Variants in DHX57 observed in about 807,000 individuals in gnomAD.
DHX57 encodes putative ATP-dependent RNA helicase DHX57.
In DHX57, 105 loss-of-function variants were observed where a neutral mutation model predicts 156.2. The observed-to-expected ratio is 0.67, with a 90% CI of 0.57 to 0.79. The LOEUF (loss-of-function observed/expected upper bound fraction) is 0.79. Ranked by LOEUF, DHX57 falls within the 30% of genes least tolerant of loss-of-function variation. The pLI is 0.00. For missense variants in DHX57, 1,847 were observed against 1,661.9 expected (o/e 1.11, Z -1.94); for synonymous variants, 704 against 595.6 (o/e 1.18, Z -2.65).
intron 23 of DHX57, among the ~76,000 whole-genome samples, chr2:38,802,318 C>T (rs1306858457): frequency 1.3e-5 from 2 of 149,094 alleles, no homozygotes; most frequent in Non-Finnish European, 3.0e-5. Flanking sequence ...GAAGGAATCT[C>T]GCTCTGTTGC....
At chr2:38,827,324 A>G (rs566545614) in intron 14 of DHX57, among the ~76,000 whole-genome samples, 3 of 150,658 alleles carry the variant, frequency 2.0e-5, no homozygotes, top group Admixed American at 1.3e-4. Context: ...CAAACTAACC[A>G]GCAAAGAATT....
chr2:38,841,182 G>A (rs1239942280), intron 12 of DHX57, among the ~76,000 whole-genome samples: 11 of 152,174 alleles, frequency 7.2e-5, no homozygotes, highest in Non-Finnish European at 1.0e-4. Context: ...TTATCAGTTG[G>A]TATGACGTAC....
At chr2:38,832,591 G>C (rs1057065416) in intron 13 of DHX57, among the ~76,000 whole-genome samples, 1 of 150,368 alleles carries the variant, frequency 6.7e-6, no homozygotes, top group Non-Finnish European at 1.5e-5. Flanking sequence ...TGTTACCCAG[G>C]TTGGAGTGAA....
At chr2:38,855,303 A>G (rs1558396994) in intron 7 of DHX57, 51 bp from the exon 8 acceptor site, 1 of 1,554,374 alleles carries the variant, frequency 6.4e-7, no homozygotes, top group Non-Finnish European at 8.9e-7. Context: ...AGGGCTAGTT[A>G]ACTAAAGAAG....
At chr2:38,868,087 T>G (rs1665169171) in intron 2 of DHX57, 95 bp downstream of exon 2, 6 of 1,467,394 alleles carry the variant, frequency 4.1e-6, no homozygotes, top group Non-Finnish European at 5.6e-6. Context: ...TGACCAGAAT[T>G]ACTCGACTTT....
At chr2:38,871,696 T>A (rs1444529580) in intron 1 of DHX57, among the ~76,000 whole-genome samples, 2 of 150,702 alleles carry the variant, frequency 1.3e-5, no homozygotes, top group African/African-American at 4.9e-5. Flanking sequence ...AGACTTATTT[T>A]ATAATAACTC....
intron 2 of DHX57, 110 bp downstream of exon 2, chr2:38,868,072 C>G: frequency 7.3e-7 from 1 of 1,372,714 alleles, no homozygotes; most frequent in Non-Finnish European, 1.0e-6. Flanking sequence ...AAGAGGAAGA[C>G]AATTTGACCA....
intron 13 of DHX57, among the ~76,000 whole-genome samples, chr2:38,833,357 G>A (rs978537829): frequency 6.6e-6 from 1 of 151,950 alleles, no homozygotes; most frequent in Non-Finnish European, 1.5e-5. Context: ...TGGCCAGGCT[G>A]GTCTCGAACT....
intron 9 of DHX57, among the ~76,000 whole-genome samples, chr2:38,852,169 T>C (rs894402958): frequency 1.3e-5 from 2 of 151,764 alleles, no homozygotes; most frequent in African/African-American, 4.8e-5. Flanking sequence ...TTCTTCTGGT[T>C]ATATGCCTTC....
chr2:38,847,163 T>C (rs1290442583), intron 10 of DHX57, 90 bp from the exon 11 acceptor site: 1 of 1,035,090 alleles, frequency 9.7e-7, no homozygotes, highest in African/African-American at 1.6e-5. Flanking sequence ...CTCTTAAAGC[T>C]TGTCATGCTA....
At chr2:38,818,798 C>T (rs1037484198) in intron 19 of DHX57, 79 bp downstream of exon 19, 58 of 1,472,884 alleles carry the variant, frequency 3.9e-5, no homozygotes, top group Non-Finnish European at 5.4e-5. Context: ...TAAGACAGGA[C>T]ACATGAGACA....
At chr2:38,824,182 A>G (rs1429613186) in intron 16 of DHX57, among the ~76,000 whole-genome samples, 1 of 152,236 alleles carries the variant, frequency 6.6e-6, no homozygotes, top group Non-Finnish European at 1.5e-5. Flanking sequence ...AGGCTTAAAA[A>G]AGAAAGAAAT....
intron 9 of DHX57, among the ~76,000 whole-genome samples, chr2:38,849,131 G>C (rs866791198): frequency 7.2e-5 from 11 of 152,268 alleles, no homozygotes; most frequent in African/African-American, 2.4e-4. Flanking sequence ...GTTTGTAATA[G>C]TAAGACAGTA....
chr2:38,836,888 T>C (rs1671698018), intron 13 of DHX57, among the ~76,000 whole-genome samples: 1 of 152,102 alleles, frequency 6.6e-6, no homozygotes. Flanking sequence ...GGTCTTGCTC[T>C]GTTGCCTAAG....
At position 38,843,581 on chromosome 2, in the gene DHX57, T is replaced by C. The variant is rs182230336; in HGVS notation, c.2220-371A>G. 3.3e-5 allele frequency among the ~76,000 whole-genome samples: 5 copies of C among 152,354 alleles called. No individual in the cohort carries two copies. In the East Asian group the frequency reaches 9.6e-4, roughly 29 times the overall value. ...TAATTCCCAGGCAGCTGATTTCCTT[T>C]TGTTGCAATCAAATTTGGACCCAAG... On this transcript the variant is annotated intron_variant, in intron 11 of 23. Transcript: ENST00000457308.
intron 11 of DHX57, among the ~76,000 whole-genome samples, chr2:38,845,351 C>G (rs1672215950): frequency 6.6e-6 from 1 of 152,098 alleles, no homozygotes; most frequent in Non-Finnish European, 1.5e-5. Flanking sequence ...AATAATAATT[C>G]TAATAAGCTC....
At position 38,858,727 on chromosome 2, in the gene DHX57, A is replaced by G. The variant is rs368267179; in HGVS notation, c.1521T>C (p.Tyr507=). The G allele has an allele frequency of 5.0e-6, 8 of 1,613,992 alleles. No homozygotes were observed. The highest frequency in any genetic ancestry group is 1.3e-5 in the African/African-American group (1 of 74,924). Residue 507 remains tyrosine, a synonymous_variant, in exon 6 of 24, where the codon TAT becomes TAC. Transcript: ENST00000457308. ...VNLKKKISKR[Y]DWQAKSVHAE... ...CATGTACTGACTTTGCCTGCCAGTC[A>G]TATCTTTTGGAAATCTTTTTCTTAA...
chr2:38,818,791 G>A, intron 19 of DHX57, 86 bp downstream of exon 19: 1 of 1,439,192 alleles, frequency 6.9e-7, no homozygotes, highest in Non-Finnish European at 9.7e-7. Flanking sequence ...GCAATGTTAA[G>A]ACAGGACACA....
intron 23 of DHX57, among the ~76,000 whole-genome samples, chr2:38,800,134 G>C (rs970909150): frequency 6.7e-6 from 1 of 149,304 alleles, no homozygotes; most frequent in Admixed American, 6.8e-5. Flanking sequence ...GTGGTGAGCC[G>C]AGATGGCACC....
Sources: gnomAD v4.1 joint callset for allele counts (sites outside exome capture counted in the v4.1 genomes callset) on GRCh38, gnomAD v4.1.1 for gene constraint, MANE v1.5 for transcripts, NCBI Gene and HGNC (gene_info 2026-07-23, HGNC 2026-07-21) for gene names.